The following MPPED2 variants were observed in gnomAD, a reference collection of about 807,000 sequenced individuals.
The protein encoded by MPPED2 is metallophosphoesterase MPPED2.
In MPPED2, 5 loss-of-function variants were observed where a neutral mutation model predicts 33.0. The ratio of observed to expected loss-of-function variants is 0.15; its 90% CI spans 0.08 to 0.32. The LOEUF (loss-of-function observed/expected upper bound fraction) is 0.32, where lower values mean the gene tolerates loss of function less well. Among genes scored for constraint, MPPED2 ranks in the 10% least tolerant of loss-of-function variants. The pLI, the probability that MPPED2 is intolerant of heterozygous loss-of-function variation, is 1.00. For missense variants in MPPED2, 275 were observed against 372.1 expected (o/e 0.74, Z 2.15); for synonymous variants, 136 against 141.9 (o/e 0.96, Z 0.29).
chr11:30,509,027 G>A (rs919311431), intron 3 of MPPED2, among the ~76,000 whole-genome samples: 1 of 152,148 alleles, frequency 6.6e-6, no homozygotes. Context: ...TATGATTAGC[G>A]AAGACCTCAA....
chr11:30,511,896 G>A (rs527820701), intron 3 of MPPED2, among the ~76,000 whole-genome samples: 1 of 152,280 alleles, frequency 6.6e-6, no homozygotes, highest in Non-Finnish European at 1.5e-5. Context: ...AGCAAGATTG[G>A]GCTAAATGTG....
Position 30,411,492 on chromosome 11 carries a change from G to A in MPPED2, c.861C>T (p.Asp287=). Residue 287 remains aspartate (D), a synonymous_variant, in exon 7 of 7, where the codon GAC becomes GAT. Coordinates refer to ENST00000358117, the MANE Select transcript of MPPED2 (RefSeq NM_001584.3). ...FQPTNPPIIF[D]LPNPQGS ...TTCAGGAACCCTGTGGGTTTGGAAG[G>A]TCAAATATAATTGGAGGGTTGGTCG... 1 of 1,613,776 alleles carries A rather than the reference G, an allele frequency of 6.2e-7. No individual in the cohort carries two copies. Among genetic ancestry groups the A allele is most frequent in the South Asian group, 1.1e-5 (1 of 91,032 alleles).
intron 3 of MPPED2, among the ~76,000 whole-genome samples, chr11:30,521,148 T>A (rs916326626): frequency 6.6e-6 from 1 of 152,130 alleles, no homozygotes; most frequent in African/African-American, 2.4e-5. Flanking sequence ...GGGGGGAGAT[T>A]TAGGAAACCT....
intron 2 of MPPED2, among the ~76,000 whole-genome samples, chr11:30,540,361 A>G (rs1054193540): frequency 6.6e-6 from 1 of 152,164 alleles, no homozygotes. Flanking sequence ...ATGCAACACC[A>G]AGCAAGGGGC....
intron 2 of MPPED2, among the ~76,000 whole-genome samples, chr11:30,567,989 G>A (rs1158361012): frequency 1.5e-4 from 23 of 152,012 alleles, no homozygotes; most frequent in Non-Finnish European, 8.8e-5. Flanking sequence ...TTAAAGGCAC[G>A]AAAAAACTTA....
At position 30,510,928 on chromosome 11, in the gene MPPED2, T is replaced by C. The variant is rs573509502; in HGVS notation, c.311-15407A>G. 2.0e-5 allele frequency among the ~76,000 whole-genome samples: 3 copies of C among 152,308 alleles called. No homozygotes were observed. The South Asian group carries it at 6.2e-4, about 32-fold the overall frequency. ...TTTCAGTTCTTCAGGTTAAACTGTTTTTACTTTTTAACTCTGTCATGTGGC... is the reference window on the plus strand; with the variant it reads ...TTTCAGTTCTTCAGGTTAAACTGTTCTTACTTTTTAACTCTGTCATGTGGC... On this transcript the variant is annotated intron_variant, in intron 3 of 6. Transcript: ENST00000358117.
intron 4 of MPPED2, among the ~76,000 whole-genome samples, chr11:30,478,003 A>G (rs937065574): frequency 2.6e-5 from 4 of 152,006 alleles, no homozygotes; most frequent in African/African-American, 9.7e-5. Flanking sequence ...AGCGTTTTCA[A>G]ATGGTTTCTC....
chr11:30,488,387 T>C (rs947572043), intron 4 of MPPED2, among the ~76,000 whole-genome samples: 5 of 152,204 alleles, frequency 3.3e-5, no homozygotes, highest in Non-Finnish European at 7.3e-5. Flanking sequence ...TGAAGCATAA[T>C]TGAATGCAGA....
At chr11:30,496,724 A>C in intron 3 of MPPED2, among the ~76,000 whole-genome samples, 1 of 137,038 alleles carries the variant, frequency 7.3e-6, no homozygotes. Flanking sequence ...GGGTGGGGGG[A>C]GGTGAGGGGA....
intron 3 of MPPED2, among the ~76,000 whole-genome samples, chr11:30,519,367 C>T (rs1390638460): frequency 6.6e-6 from 1 of 151,882 alleles, no homozygotes; most frequent in African/African-American, 2.4e-5. Flanking sequence ...TATATATACA[C>T]ACACTCATAT....
At chr11:30,466,501 T>C (rs557813646) in intron 4 of MPPED2, among the ~76,000 whole-genome samples, 2 of 152,236 alleles carry the variant, frequency 1.3e-5, no homozygotes, top group African/African-American at 4.8e-5. Flanking sequence ...CTGGATCCAT[T>C]GAGGAAAGGG....
chr11:30,538,689 T>G (rs1225678454), intron 2 of MPPED2, among the ~76,000 whole-genome samples: 1 of 152,058 alleles, frequency 6.6e-6, no homozygotes, highest in African/African-American at 2.4e-5. Flanking sequence ...TTCTCAGCTT[T>G]GAGTCCAAAG....
At position 30,495,345 on chromosome 11, in the gene MPPED2, G is replaced by T. The variant is rs146140742; in HGVS notation, c.487C>A (p.Gln163Lys). 6 of 1,613,992 alleles carry T rather than the reference G, an allele frequency of 3.7e-6. No individual in the cohort carries two copies. The highest frequency in any genetic ancestry group is 5.1e-6 in the Non-Finnish European group (6 of 1,179,980). ...QSLLTNSIYLQDSEVTVKGFR... is the reference protein window; with the variant it reads ...QSLLTNSIYLKDSEVTVKGFR... ...CCCTTCACTGTTACCTCCGAATCTT[G>T]TAAGTAAATACTGTTTGTCAGGAGG... The change falls in exon 4 of 7, where the codon CAA becomes AAA. Residue 163 changes from glutamine to lysine, a missense_variant. Coordinates refer to ENST00000358117, the MANE Select transcript of MPPED2 (RefSeq NM_001584.3).
chr11:30,567,112 C>G (rs1956478595), intron 2 of MPPED2, among the ~76,000 whole-genome samples: 1 of 152,108 alleles, frequency 6.6e-6, no homozygotes, highest in Non-Finnish European at 1.5e-5. Flanking sequence ...ATGCATCTTT[C>G]CTTCAATGTC....
In MPPED2 at chr11:30,495,355, A is replaced by G. The variant is rs528920541; in HGVS notation, c.477T>C (p.Ser159=). Residue 159 remains serine, a synonymous_variant, in exon 4 of 7, where the codon AGT becomes AGC. Coordinates refer to ENST00000358117, the MANE Select transcript of MPPED2 (RefSeq NM_001584.3). ...FDNVQSLLTN[S]IYLQDSEVTV... is the part of the protein sequence containing the mutation. ...TTACCTCCGAATCTTGTAAGTAAAT[A>G]CTGTTTGTCAGGAGGGACTGAACAT... is the stretch of plus-strand genomic sequence containing the variant. The G allele has an allele frequency of 5.0e-6, 8 of 1,614,134 alleles. No homozygotes were observed. The highest frequency in any genetic ancestry group is 2.7e-5 in the African/African-American group (2 of 75,030).
intron 3 of MPPED2, among the ~76,000 whole-genome samples, chr11:30,519,803 A>G (rs1953751869): frequency 6.6e-6 from 1 of 152,060 alleles, no homozygotes; most frequent in African/African-American, 2.4e-5. Flanking sequence ...ACCACCACTA[A>G]CATTATTATA....
intron 3 of MPPED2, among the ~76,000 whole-genome samples, chr11:30,511,360 AAAG>A (rs1409349471): frequency 1.3e-5 from 2 of 152,184 alleles, no homozygotes; most frequent in African/African-American, 4.8e-5. Context: ...AACAGATAAT[AAAG>A]AAGTAAATAA....
chr11:30,389,049 A>G (rs1947737591), intron 6 of MPPED2: 1 of 1,438,852 alleles, frequency 6.9e-7, no homozygotes, highest in Non-Finnish European at 9.1e-7. Context: ...TGTCTTGATT[A>G]CCTTCCCATT....
chr11:30,456,651 ATT>A (rs1950292453), intron 4 of MPPED2, among the ~76,000 whole-genome samples: 2 of 152,210 alleles, frequency 1.3e-5, no homozygotes, highest in African/African-American at 4.8e-5. Flanking sequence ...CAATCCTGAT[ATT>A]CTGTAACCCT....
Sources: gnomAD v4.1 joint callset for allele counts (sites outside exome capture counted in the v4.1 genomes callset) on GRCh38, gnomAD v4.1.1 for gene constraint, MANE v1.5 for transcripts, NCBI Gene and HGNC (gene_info 2026-07-23, HGNC 2026-07-21) for gene names.